Variants in ATP8B4 observed in about 807,000 individuals in gnomAD.
ATP8B4 encodes the protein probable phospholipid-transporting ATPase IM.
ATP8B4 carries 133 observed loss-of-function variants against 145.6 expected under a neutral mutation model. The ratio of observed to expected loss-of-function variants is 0.91; its 90% CI spans 0.79 to 1.05. The LOEUF (loss-of-function observed/expected upper bound fraction) is 1.05, where lower values mean the gene tolerates loss of function less well. Ranked by LOEUF, ATP8B4 falls within the 50% of genes least tolerant of loss-of-function variation. The pLI is 0.00. For synonymous variants in ATP8B4, 507 were observed against 492.9 expected (o/e 1.03, Z -0.38); for missense variants, 1,458 against 1,425.2 (o/e 1.02, Z -0.37).
chr15:49,918,796 C>T (rs1388941572), intron 19 of ATP8B4, 43 bp downstream of exon 19: 1 of 1,414,634 alleles, frequency 7.1e-7, no homozygotes, highest in Non-Finnish European at 9.9e-7. Context: ...TATAAGTCAT[C>T]TCCCCATTTT....
intron 2 of ATP8B4, among the ~76,000 whole-genome samples, chr15:50,084,678 A>G (rs549792658): frequency 6.6e-6 from 1 of 152,288 alleles, no homozygotes; most frequent in East Asian, 1.9e-4. Context: ...CAGGGCTAAA[A>G]TTAAGGTGTC....
At chr15:49,916,366 A>G (rs927778437) in intron 20 of ATP8B4, among the ~76,000 whole-genome samples, 35 of 152,154 alleles carry the variant, frequency 2.3e-4, no homozygotes, top group Admixed American at 2.6e-4. Flanking sequence ...TTTATTTCAC[A>G]TAAACAGTAT....
At chr15:50,091,940 G>A (rs2153656257) in intron 2 of ATP8B4, among the ~76,000 whole-genome samples, 1 of 152,180 alleles carries the variant, frequency 6.6e-6, no homozygotes, top group Middle Eastern at 3.4e-3. Flanking sequence ...AGATCTCATG[G>A]AATGACAAAA....
chr15:50,170,750 A>G (rs984430283), intron 1 of ATP8B4, among the ~76,000 whole-genome samples: 1 of 152,222 alleles, frequency 6.6e-6, no homozygotes, highest in African/African-American at 2.4e-5. Flanking sequence ...GCTCCACTTA[A>G]AAGATACAGA....
intron 1 of ATP8B4, among the ~76,000 whole-genome samples, chr15:50,138,303 T>C (rs2044151260): frequency 6.7e-6 from 1 of 148,756 alleles, no homozygotes; most frequent in Non-Finnish European, 1.5e-5. Context: ...TCCAGATAGA[T>C]ACATATATAG....
At chr15:49,940,372 C>A (rs2042070040) in intron 14 of ATP8B4, among the ~76,000 whole-genome samples, 2 of 152,004 alleles carry the variant, frequency 1.3e-5, no homozygotes, top group South Asian at 2.1e-4. Context: ...AAAGGTGCAA[C>A]AATAGACACC....
intron 1 of ATP8B4, among the ~76,000 whole-genome samples, chr15:50,148,354 C>T (rs946499584): frequency 3.3e-5 from 5 of 150,162 alleles, no homozygotes; most frequent in Non-Finnish European, 7.4e-5. Flanking sequence ...GGATGGTTTA[C>T]AAAAAAAAAG....
intron 26 of ATP8B4, among the ~76,000 whole-genome samples, chr15:49,865,411 C>T (rs183297745): frequency 7.9e-5 from 12 of 152,268 alleles, no homozygotes; most frequent in Admixed American, 6.5e-4. Flanking sequence ...TTCTTTGAGC[C>T]ACTCTAGAAA....
intron 1 of ATP8B4, among the ~76,000 whole-genome samples, chr15:50,112,181 G>A (rs1029420313): frequency 9.9e-5 from 15 of 152,024 alleles, no homozygotes; most frequent in African/African-American, 3.4e-4. Context: ...AGAGGAGATT[G>A]GAAAAAGGGA....
chr15:49,897,881 T>C (rs1394256781), intron 22 of ATP8B4, among the ~76,000 whole-genome samples, 187 bp downstream of exon 22: 1 of 152,202 alleles, frequency 6.6e-6, no homozygotes, highest in African/African-American at 2.4e-5. Flanking sequence ...AAATGGTTTA[T>C]TTAAAGACAA....
At chr15:50,095,401 C>G (rs1222384008) in intron 2 of ATP8B4, among the ~76,000 whole-genome samples, 4 of 152,112 alleles carry the variant, frequency 2.6e-5, no homozygotes, top group African/African-American at 4.8e-5. Flanking sequence ...AAATTCAGAA[C>G]AGAAAGTAAA....
At chr15:49,899,048 C>A (rs187148520) in intron 21 of ATP8B4, among the ~76,000 whole-genome samples, 7 of 152,268 alleles carry the variant, frequency 4.6e-5, no homozygotes, top group South Asian at 2.1e-4. Flanking sequence ...TTGAGTGAAT[C>A]TTTAGCAAGA....
intron 23 of ATP8B4, among the ~76,000 whole-genome samples, chr15:49,892,420 A>G (rs1320017900): frequency 6.6e-6 from 1 of 152,210 alleles, no homozygotes; most frequent in Non-Finnish European, 1.5e-5. Context: ...TAAAATGGGT[A>G]TTTTGTCCCT....
intron 1 of ATP8B4, among the ~76,000 whole-genome samples, chr15:50,159,896 C>T (rs2044489370): frequency 6.6e-6 from 1 of 151,932 alleles, no homozygotes; most frequent in Non-Finnish European, 1.5e-5. Flanking sequence ...TTGATGATTA[C>T]TGGCCTCCTA....
intron 23 of ATP8B4, chr15:49,880,170 A>G (rs550814021): frequency 1.3e-5 from 2 of 152,342 alleles, no homozygotes; most frequent in South Asian, 4.1e-4. Flanking sequence ...TTAATTAGTT[A>G]GAAGGTAGTA....
At chr15:49,975,489 G>T (rs938710354) in intron 12 of ATP8B4, among the ~76,000 whole-genome samples, 8 of 152,008 alleles carry the variant, frequency 5.3e-5, no homozygotes, top group South Asian at 2.1e-4. Context: ...ATACTGTATT[G>T]TTTAGGGAAT....
At chr15:50,056,391 A>G (rs1444141367) in intron 3 of ATP8B4, among the ~76,000 whole-genome samples, 2 of 152,174 alleles carry the variant, frequency 1.3e-5, no homozygotes, top group East Asian at 3.9e-4. Context: ...TAAACTGATG[A>G]CACAATTTCA....
At chr15:50,003,647 A>C (rs2048083574) in intron 7 of ATP8B4, among the ~76,000 whole-genome samples, 1 of 152,174 alleles carries the variant, frequency 6.6e-6, no homozygotes, top group African/African-American at 2.4e-5. Context: ...AGAGCTTAAC[A>C]GTCAGTCTAT....
intron 23 of ATP8B4, chr15:49,885,915 T>C (rs996429514): frequency 6.6e-6 from 1 of 152,210 alleles, no homozygotes; most frequent in African/African-American, 2.4e-5. Context: ...TCTGCTTCAA[T>C]ATGTTTGATC....
Sources: allele counts gnomAD v4.1 joint callset (sites outside exome capture counted in the v4.1 genomes callset), GRCh38; gene constraint gnomAD v4.1.1; transcripts MANE v1.5; gene names NCBI Gene and HGNC (gene_info 2026-07-23, HGNC 2026-07-21).